ZNF385B: variants seen among roughly 807,000 people sequenced by gnomAD.
The protein encoded by ZNF385B is zinc finger protein 533.
A neutral mutation model predicts 39.2 loss-of-function variants in ZNF385B; 23 were observed. That is an observed-to-expected ratio of 0.59 (90% CI 0.42 to 0.83). The LOEUF (loss-of-function observed/expected upper bound fraction) is 0.83. ZNF385B is among the 40% of genes least tolerant of loss of function. The pLI, the probability that ZNF385B is intolerant of heterozygous loss-of-function variation, is 0.00. For missense variants in ZNF385B, 552 were observed against 598.9 expected (o/e 0.92, Z 0.82); for synonymous variants, 205 against 222.6 (o/e 0.92, Z 0.70).
intron 6 of ZNF385B, among the ~76,000 whole-genome samples, chr2:179,459,294 G>A (rs990278327): frequency 2.0e-5 from 3 of 152,066 alleles, no homozygotes; most frequent in African/African-American, 7.3e-5. Context: ...TCTGAGAGAT[G>A]GCAAAGATTT....
chr2:179,808,265 C>T (rs1450136569), intron 1 of ZNF385B, among the ~76,000 whole-genome samples: 1 of 152,174 alleles, frequency 6.6e-6, no homozygotes, highest in Admixed American at 6.5e-5. Context: ...ATCTCCTGAC[C>T]TTGTGATCCG....
chr2:179,708,642 C>A (rs986190016), intron 3 of ZNF385B, among the ~76,000 whole-genome samples: 3 of 152,182 alleles, frequency 2.0e-5, no homozygotes, highest in African/African-American at 7.2e-5. Context: ...CTTATCAAGT[C>A]TGACTCTCTA....
At chr2:179,859,183 A>C (rs1476513309) in intron 1 of ZNF385B, among the ~76,000 whole-genome samples, 1 of 152,154 alleles carries the variant, frequency 6.6e-6, no homozygotes, top group Non-Finnish European at 1.5e-5. Flanking sequence ...GGTCTCACTA[A>C]TTGGCCATAT....
chr2:179,693,117 A>G (rs1054881439), intron 3 of ZNF385B, among the ~76,000 whole-genome samples: 2 of 152,184 alleles, frequency 1.3e-5, no homozygotes, highest in Non-Finnish European at 2.9e-5. Flanking sequence ...CAATTTTTTC[A>G]TATTTTTCTA....
chr2:179,709,308 G>A (rs766852455), intron 3 of ZNF385B, among the ~76,000 whole-genome samples: 1 of 152,184 alleles, frequency 6.6e-6, no homozygotes, highest in East Asian at 1.9e-4. Context: ...CACTTGGTCA[G>A]TAAGACTAAT....
At chr2:179,503,337 A>G (rs892136218) in intron 5 of ZNF385B, among the ~76,000 whole-genome samples, 4 of 152,216 alleles carry the variant, frequency 2.6e-5, no homozygotes, top group African/African-American at 9.7e-5. Flanking sequence ...TGGACCAATA[A>G]AAGTACAATT....
intron 3 of ZNF385B, among the ~76,000 whole-genome samples, chr2:179,729,907 C>T (rs753102432): frequency 1.8e-4 from 27 of 152,136 alleles, no homozygotes; most frequent in African/African-American, 4.8e-5. Context: ...CTTCCCCTTC[C>T]GCCATAATTG....
chr2:179,465,151 C>T (rs1003861463), intron 6 of ZNF385B, among the ~76,000 whole-genome samples: 1 of 152,072 alleles, frequency 6.6e-6, no homozygotes, highest in Non-Finnish European at 1.5e-5. Flanking sequence ...TATTTTTCAC[C>T]TTTGATGTTC....
At chr2:179,494,067 AAAAAT>A (rs1199662457) in intron 5 of ZNF385B, among the ~76,000 whole-genome samples, 2 of 151,960 alleles carry the variant, frequency 1.3e-5, no homozygotes, top group African/African-American at 4.8e-5. Flanking sequence ...AATGCTATAA[AAAAAT>A]AAAGACAAGT....
intron 3 of ZNF385B, among the ~76,000 whole-genome samples, chr2:179,559,831 T>C (rs1301540423): frequency 1.3e-5 from 2 of 152,110 alleles, no homozygotes; most frequent in African/African-American, 4.8e-5. Context: ...TATTAACTAC[T>C]GTCCTCATGC....
intron 3 of ZNF385B, among the ~76,000 whole-genome samples, chr2:179,733,041 G>T (rs1292262558): frequency 6.6e-6 from 1 of 152,158 alleles, no homozygotes; most frequent in African/African-American, 2.4e-5. Context: ...AAGTTTTAAA[G>T]GAGGGACATT....
At chr2:179,723,305 T>A (rs550595221) in intron 3 of ZNF385B, among the ~76,000 whole-genome samples, 1 of 152,106 alleles carries the variant, frequency 6.6e-6, no homozygotes, top group Non-Finnish European at 1.5e-5. Context: ...GCCCTCAGAG[T>A]ATAATTATAT....
chr2:179,619,347 C>T (rs1690018391), intron 3 of ZNF385B, among the ~76,000 whole-genome samples: 1 of 152,188 alleles, frequency 6.6e-6, no homozygotes, highest in Non-Finnish European at 1.5e-5. Flanking sequence ...CTGATTCTCT[C>T]AGATTAATAG....
chr2:179,445,405 G>A, intron 8 of ZNF385B, 145 bp downstream of exon 8: 1 of 688,290 alleles, frequency 1.5e-6, no homozygotes, highest in Admixed American at 3.2e-5. Flanking sequence ...TTCCATGTTA[G>A]CACCTATATG....
intron 5 of ZNF385B, among the ~76,000 whole-genome samples, chr2:179,496,562 G>T (rs911857820): frequency 1.3e-5 from 2 of 152,040 alleles, no homozygotes; most frequent in African/African-American, 4.8e-5. Flanking sequence ...AGTCCCAAAG[G>T]TTAAAAATAA....
chr2:179,845,103 A>T (rs985963266), intron 1 of ZNF385B, among the ~76,000 whole-genome samples: 1 of 152,180 alleles, frequency 6.6e-6, no homozygotes, highest in Admixed American at 6.5e-5. Flanking sequence ...CTACTCTAAT[A>T]GCCCTACACG....
intron 1 of ZNF385B, among the ~76,000 whole-genome samples, chr2:179,776,648 G>A (rs1174531183): frequency 6.6e-6 from 1 of 152,142 alleles, no homozygotes; most frequent in Non-Finnish European, 1.5e-5. Context: ...AGCCATATAT[G>A]GGAGAGTAGG....
chr2:179,578,822 G>A (rs528347006), intron 3 of ZNF385B, among the ~76,000 whole-genome samples: 2 of 152,148 alleles, frequency 1.3e-5, no homozygotes, highest in African/African-American at 4.8e-5. Context: ...CATCAAGTGT[G>A]TTAACTCTTG....
In ZNF385B at chr2:179,689,434, T is replaced by C. The variant is rs1469262246; in HGVS notation, c.298+80069A>G. Among the ~76,000 whole-genome samples, 5 of 152,038 alleles carry C rather than the reference T, an allele frequency of 3.3e-5. No homozygotes were observed. In the East Asian group the frequency reaches 9.7e-4, roughly 29 times the overall value. ...CAGTCCAGTATTGGGCTAACATCAC[T>C]TAAGTGAAGGACAGAGCACTAATGG... On this transcript the variant is annotated intron_variant, in intron 3 of 9. Coordinates refer to ENST00000410066, the MANE Select transcript of ZNF385B (RefSeq NM_152520.6).
Sources: allele counts gnomAD v4.1 joint callset (sites outside exome capture counted in the v4.1 genomes callset), GRCh38; gene constraint gnomAD v4.1.1; transcripts MANE v1.5; gene names NCBI Gene and HGNC (gene_info 2026-07-23, HGNC 2026-07-21).